The following PCSK5 variants were observed in gnomAD, a reference collection of about 807,000 sequenced individuals.
PCSK5 encodes prohormone convertase 5.
A neutral mutation model predicts 233.2 loss-of-function variants in PCSK5; 129 were observed. The ratio of observed to expected loss-of-function variants is 0.55; its 90% CI spans 0.48 to 0.64. The LOEUF (loss-of-function observed/expected upper bound fraction) is 0.64. Ranked by LOEUF, PCSK5 falls within the 30% of genes least tolerant of loss-of-function variation. PCSK5 has a pLI of 0.00. For synonymous variants in PCSK5, 825 were observed against 879.2 expected (o/e 0.94, Z 1.09); for missense variants, 2,076 against 2,430.1 (o/e 0.85, Z 3.06).
At chr9:76,226,575 G>C (rs1283086003) in intron 20 of PCSK5, among the ~76,000 whole-genome samples, 1 of 152,184 alleles carries the variant, frequency 6.6e-6, no homozygotes, top group Non-Finnish European at 1.5e-5. Flanking sequence ...GGGGCTGTCA[G>C]AGTTGGAGGG....
At chr9:76,083,883 A>G (rs1158273828) in intron 7 of PCSK5, among the ~76,000 whole-genome samples, 1 of 152,216 alleles carries the variant, frequency 6.6e-6, no homozygotes, top group Non-Finnish European at 1.5e-5. Flanking sequence ...TCCAGGAGGG[A>G]TATGTTTTTA....
At chr9:75,924,255 C>A (rs184167629) in intron 1 of PCSK5, among the ~76,000 whole-genome samples, 2 of 152,002 alleles carry the variant, frequency 1.3e-5, no homozygotes, top group African/African-American at 4.8e-5. Context: ...GAGTTCATGC[C>A]CTCTAATGCC....
chr9:75,931,635 C>A (rs890188184), intron 1 of PCSK5, among the ~76,000 whole-genome samples: 1 of 152,062 alleles, frequency 6.6e-6, no homozygotes, highest in African/African-American at 2.4e-5. Context: ...GTTTGCTTTC[C>A]CAAAGTGGAC....
In PCSK5 at chr9:76,132,849, A is replaced by G. The variant is rs570598627; in HGVS notation, c.1209-1260A>G. On this transcript the variant is annotated intron_variant, in intron 9 of 37. Coordinates refer to ENST00000674117, the MANE Select transcript of PCSK5 (RefSeq NM_001372043.1). Reference sequence around the variant, plus strand: ...GAAGGAGCCAGAATCTGATCACTAGACCCCTTCTTACTAGAAGGCCGCCCT... The same window carrying G: ...GAAGGAGCCAGAATCTGATCACTAGGCCCCTTCTTACTAGAAGGCCGCCCT... 3.1e-3 allele frequency among the ~76,000 whole-genome samples: 474 copies of G among 152,052 alleles called. 3 individuals are homozygous for G. The highest frequency in any genetic ancestry group is 0.027 in the Middle Eastern group (8 of 294).
intron 9 of PCSK5, among the ~76,000 whole-genome samples, chr9:76,126,760 G>A (rs749433772): frequency 5.3e-5 from 8 of 152,172 alleles, no homozygotes; most frequent in Non-Finnish European, 2.9e-5. Context: ...TCGAGTGTGG[G>A]ATGATGGACA....
At chr9:76,074,953 C>T (rs898767409) in intron 7 of PCSK5, among the ~76,000 whole-genome samples, 27 of 152,230 alleles carry the variant, frequency 1.8e-4, no homozygotes, top group African/African-American at 6.5e-4. Flanking sequence ...GGTGTGGTGG[C>T]TCATGCCTGT....
chr9:76,159,669 A>G (rs551717720), intron 12 of PCSK5, among the ~76,000 whole-genome samples: 1 of 152,294 alleles, frequency 6.6e-6, no homozygotes, highest in South Asian at 2.1e-4. Flanking sequence ...CAACTCTGCC[A>G]TTCGAGTACA....
chr9:76,356,273 T>A (rs1830300292), intron 37 of PCSK5, among the ~76,000 whole-genome samples: 2 of 152,246 alleles, frequency 1.3e-5, no homozygotes. Context: ...TCAGCTTTCC[T>A]GGTCCCCCTG....
chr9:76,030,703 A>G (rs754183524), intron 5 of PCSK5, among the ~76,000 whole-genome samples: 3 of 152,192 alleles, frequency 2.0e-5, no homozygotes, highest in Admixed American at 2.0e-4. Context: ...AATACAGACT[A>G]TATGTAAAGG....
chr9:76,250,044 C>T (rs1045542786), intron 24 of PCSK5, among the ~76,000 whole-genome samples: 3 of 152,180 alleles, frequency 2.0e-5, no homozygotes, highest in African/African-American at 7.2e-5. Context: ...CGGTGGCTCA[C>T]ACCTGTAATC....
intron 32 of PCSK5, among the ~76,000 whole-genome samples, chr9:76,324,847 C>T (rs1192297842): frequency 6.6e-6 from 1 of 152,026 alleles, no homozygotes; most frequent in Non-Finnish European, 1.5e-5. Flanking sequence ...CCCCACATGT[C>T]GCCCCCAAGC....
chr9:76,019,551 TATA>T (rs1267443296), intron 3 of PCSK5, among the ~76,000 whole-genome samples: 1 of 152,090 alleles, frequency 6.6e-6, no homozygotes, highest in African/African-American at 2.4e-5. Context: ...ATTTAAAAAA[TATA>T]ATACCATAAG....
At chr9:76,307,474 T>C (rs1828737155) in intron 28 of PCSK5, among the ~76,000 whole-genome samples, 1 of 152,130 alleles carries the variant, frequency 6.6e-6, no homozygotes, top group Non-Finnish European at 1.5e-5. Context: ...CTAGTCAAGG[T>C]CTCCATATGT....
Position 76,263,529 on chromosome 9 carries a change from C to CA in PCSK5, c.3142+22851dup, listed in dbSNP as rs1418885624. On this transcript the variant is annotated intron_variant, in intron 24 of 37. Transcript: ENST00000674117. ...CATTCTCAGTAAACTATCGCAAGAA[C>CA]AAAAAACCAAACACCACATATTCTC... Among the ~76,000 whole-genome samples, 3 of 149,370 alleles carry CA rather than the reference C, an allele frequency of 2.0e-5. No individual in the cohort carries two copies. The East Asian group carries it at 6.0e-4, about 30-fold the overall frequency.
intron 2 of PCSK5, among the ~76,000 whole-genome samples, chr9:75,976,217 G>T (rs1270016891): frequency 6.6e-6 from 1 of 150,954 alleles, no homozygotes; most frequent in East Asian, 1.9e-4. Flanking sequence ...TCTCATCACT[G>T]GCTTTTCCTG....
intron 24 of PCSK5, among the ~76,000 whole-genome samples, chr9:76,282,374 G>T: frequency 1.4e-5 from 2 of 141,386 alleles, no homozygotes; most frequent in African/African-American, 2.7e-5. Context: ...TTCGAGACAG[G>T]GTTTTTGCAA....
At chr9:76,042,402 G>A (rs1433564051) in intron 5 of PCSK5, among the ~76,000 whole-genome samples, 1 of 152,232 alleles carries the variant, frequency 6.6e-6, no homozygotes, top group African/African-American at 2.4e-5. Context: ...TGTAATCCCA[G>A]CACTTTGTGA....
At chr9:76,272,526 G>A (rs1827547709) in intron 24 of PCSK5, among the ~76,000 whole-genome samples, 1 of 151,992 alleles carries the variant, frequency 6.6e-6, no homozygotes, top group Non-Finnish European at 1.5e-5. Context: ...TGTAATCCCA[G>A]CACTTTGGGA....
At chr9:76,289,504 C>CGCAACAT (rs1564159545) in intron 24 of PCSK5, among the ~76,000 whole-genome samples, 10 of 131,966 alleles carry the variant, frequency 7.6e-5, no homozygotes, top group African/African-American at 1.8e-4. Context: ...CACACACACA[C>CGCAACAT]ACACACGCAA....
Sources: allele counts gnomAD v4.1 joint callset (sites outside exome capture counted in the v4.1 genomes callset), GRCh38; gene constraint gnomAD v4.1.1; transcripts MANE v1.5; gene names NCBI Gene and HGNC (gene_info 2026-07-23, HGNC 2026-07-21).